The following CARMIL1 variants were observed in gnomAD, a reference collection of about 807,000 sequenced individuals.
The protein encoded by CARMIL1 is capping protein regulator and myosin 1 linker 1.
In CARMIL1, 90 loss-of-function variants were observed where a neutral mutation model predicts 177.1. The ratio of observed to expected loss-of-function variants is 0.51; its 90% CI spans 0.43 to 0.61. The LOEUF is 0.61. Ranked by LOEUF, CARMIL1 falls within the 20% of genes least tolerant of loss-of-function variation. CARMIL1 has a pLI of 0.00. For missense variants in CARMIL1, 1,380 were observed against 1,667.0 expected (o/e 0.83, Z 3.00); for synonymous variants, 577 against 606.2 (o/e 0.95, Z 0.71).
chr6:25,441,337 A>ATATATATATATGTGTG lies in CARMIL1; in HGVS notation c.371+5734_371+5735insATATATATATGTGTGT. ...CAAACAAACATATATATATATATAT[A>ATATATATATATGTGTG]TGTGTGTGTGTGTGTGTGTGTGTGT... On this transcript the variant is annotated intron_variant, in intron 5 of 36. Transcript: ENST00000329474. Among the ~76,000 whole-genome samples the ATATATATATATGTGTG allele has an allele frequency of 2.9e-3, 275 of 94,514 alleles. 1 individual carries two copies. Among genetic ancestry groups the ATATATATATATGTGTG allele is most frequent in the African/African-American group, 3.5e-3 (81 of 22,862 alleles). The allele number at this position is 94,514 out of a possible 152,430, so 62.0% of individuals were successfully genotyped here. A position where few individuals can be genotyped will look rare whatever the true frequency, so the allele number is the denominator to read the frequency against.
chr6:25,435,022 A>G (rs563521002), intron 4 of CARMIL1, among the ~76,000 whole-genome samples: 24 of 152,370 alleles, frequency 1.6e-4, no homozygotes, highest in African/African-American at 5.3e-4. Flanking sequence ...CTTACACTAC[A>G]TAGCAGGGAT....
intron 2 of CARMIL1, among the ~76,000 whole-genome samples, chr6:25,333,281 G>A (rs1372548955): frequency 1.3e-5 from 2 of 152,156 alleles, no homozygotes; most frequent in African/African-American, 2.4e-5. Context: ...ATGAATATGC[G>A]GCTGGGCATA....
At chr6:25,485,781 GTTTA>G (rs1439181507) in intron 12 of CARMIL1, among the ~76,000 whole-genome samples, 3 of 152,020 alleles carry the variant, frequency 2.0e-5, no homozygotes, top group African/African-American at 4.8e-5. Flanking sequence ...TGAAATGTTT[GTTTA>G]TTTATTTATT....
chr6:25,314,711 C>G (rs1784141218), intron 2 of CARMIL1, among the ~76,000 whole-genome samples: 1 of 151,980 alleles, frequency 6.6e-6, no homozygotes. Flanking sequence ...AGATATTTAC[C>G]AACAGTTGAG....
chr6:25,428,444 T>A (rs1796456977), intron 4 of CARMIL1, among the ~76,000 whole-genome samples: 1 of 152,236 alleles, frequency 6.6e-6, no homozygotes, highest in Admixed American at 6.5e-5. Flanking sequence ...ACAACAAAAT[T>A]TGAAATCAGA....
intron 2 of CARMIL1, among the ~76,000 whole-genome samples, chr6:25,297,968 A>G (rs1322824753): frequency 5.3e-5 from 8 of 152,232 alleles, no homozygotes; most frequent in Admixed American, 2.6e-4. Context: ...GTTAATAGGT[A>G]AGTGTGCCTA....
At position 25,426,522 on chromosome 6, in the gene CARMIL1, T is replaced by C. The variant is rs1436681784; in HGVS notation, c.211T>C (p.Leu71=). Residue 71 remains leucine, a synonymous_variant, in exon 4 of 37, where the codon TTG becomes CTG. Coordinates refer to ENST00000329474, the MANE Select transcript of CARMIL1 (RefSeq NM_017640.6). ...PTKLELTFSY[L]EIHGVVCSKS... ...GCAGCTCGAGTTAACCTTCAGCTAC[T>C]TGGAGATTCATGGCGTCGTTTGCAG... 11 of 1,612,766 alleles carry C rather than the reference T, an allele frequency of 6.8e-6. No individual in the cohort carries two copies. The highest frequency in any genetic ancestry group is 9.3e-6 in the Non-Finnish European group (11 of 1,179,110).
chr6:25,380,627 T>G (rs1218930914), intron 2 of CARMIL1, among the ~76,000 whole-genome samples: 1 of 152,248 alleles, frequency 6.6e-6, no homozygotes, highest in Non-Finnish European at 1.5e-5. Flanking sequence ...ATTTCATGTT[T>G]GATATGAATT....
intron 2 of CARMIL1, among the ~76,000 whole-genome samples, chr6:25,403,547 C>T (rs1297671588): frequency 6.6e-6 from 1 of 152,180 alleles, no homozygotes; most frequent in African/African-American, 2.4e-5. Context: ...CCTGCGCTTA[C>T]TCCCTTCAAG....
chr6:25,510,590 A>G lies in CARMIL1; in HGVS notation c.1561A>G (p.Asn521Asp), dbSNP rs1398212525. The G allele has an allele frequency of 6.5e-7, 1 of 1,549,266 alleles. No homozygotes were observed. The highest frequency in any genetic ancestry group is 8.7e-7 in the Non-Finnish European group (1 of 1,144,700). ...IQHLALGKNF[N>D]NMKSKNLTPV... ...ACACCTGGCGTTAGGCAAAAATTTT[A>G]ATAATATGAAATCCAAGTAAGAGTT... The change falls in exon 19 of 37, where the codon AAT becomes GAT. Residue 521 changes from asparagine to aspartate, a missense_variant. Physicochemically the swap from Asn to Asp is conservative, Grantham distance 23. Coordinates refer to ENST00000329474, the MANE Select transcript of CARMIL1 (RefSeq NM_017640.6).
intron 5 of CARMIL1, among the ~76,000 whole-genome samples, chr6:25,437,821 A>G (rs1797366671): frequency 6.6e-6 from 1 of 152,148 alleles, no homozygotes; most frequent in Non-Finnish European, 1.5e-5. Context: ...TATTATCTTA[A>G]TATCTCGTGG....
chr6:25,600,846 T>G (rs1815331606), intron 33 of CARMIL1, 100 bp downstream of exon 33: 2 of 1,063,430 alleles, frequency 1.9e-6, no homozygotes, highest in South Asian at 4.0e-5. Flanking sequence ...GTCTATCACC[T>G]TAAACATTTA....
At chr6:25,377,752 G>C (rs889069944) in intron 2 of CARMIL1, among the ~76,000 whole-genome samples, 16 of 152,158 alleles carry the variant, frequency 1.1e-4, no homozygotes, top group Non-Finnish European at 4.4e-5. Flanking sequence ...TGATTGCTGA[G>C]GTCACACATG....
rs571235435 is a variant in CARMIL1, at chr6:25,587,528, CATT to C, written c.3006+6090_3006+6092del. On this transcript the variant is annotated intron_variant, in intron 31 of 36. Transcript: ENST00000329474. The stretch of plus-strand genomic sequence containing the variant: ...AAATATGCCATCCTTTACTTAAAAA[CATT>C]GTTGTTCAAAGCTAGTATTTCCATT... 3.0e-3 allele frequency among the ~76,000 whole-genome samples: 453 copies of C among 152,238 alleles called. 4 individuals are homozygous for C. The highest frequency in any genetic ancestry group is 2.3e-3 in the Non-Finnish European group (154 of 68,000).
At chr6:25,550,225 G>A (rs1809947208) in intron 26 of CARMIL1, among the ~76,000 whole-genome samples, 1 of 152,214 alleles carries the variant, frequency 6.6e-6, no homozygotes, top group African/African-American at 2.4e-5. Flanking sequence ...AGGATAAAAT[G>A]TGCAGAAACA....
intron 31 of CARMIL1, among the ~76,000 whole-genome samples, chr6:25,586,987 G>A (rs959790642): frequency 6.8e-6 from 1 of 147,744 alleles, no homozygotes; most frequent in Non-Finnish European, 1.5e-5. Flanking sequence ...GAGAGGGAGA[G>A]GGAGACCGTG....
At chr6:25,358,461 G>T (rs1185683956) in intron 2 of CARMIL1, among the ~76,000 whole-genome samples, 5 of 152,024 alleles carry the variant, frequency 3.3e-5, no homozygotes, top group African/African-American at 9.7e-5. Context: ...AAAATATATA[G>T]AGTTTTCTAT....
chr6:25,429,072 A>G (rs1796507557), intron 4 of CARMIL1, among the ~76,000 whole-genome samples: 1 of 152,142 alleles, frequency 6.6e-6, no homozygotes, highest in South Asian at 2.1e-4. Flanking sequence ...AGCAATTCCT[A>G]CATATTTTGC....
At chr6:25,526,617 G>A (rs192386390) in intron 23 of CARMIL1, among the ~76,000 whole-genome samples, 51 of 151,692 alleles carry the variant, frequency 3.4e-4, no homozygotes, top group Non-Finnish European at 4.3e-4. Flanking sequence ...CAGTGGTGCA[G>A]TCATGGTTCA....
Sources: allele counts gnomAD v4.1 joint callset (sites outside exome capture counted in the v4.1 genomes callset), GRCh38; gene constraint gnomAD v4.1.1; transcripts MANE v1.5; gene names NCBI Gene and HGNC (gene_info 2026-07-23, HGNC 2026-07-21).